The following NFILZ variants were observed in gnomAD, a reference collection of about 807,000 sequenced individuals.
NFILZ encodes NFIL3 like basic leucine zipper, also known as NFIL3 like protein.
intron 3 of NFILZ, among the ~76,000 whole-genome samples, chr19:8,673,729 G>A (rs1271182622): frequency 6.6e-6 from 1 of 152,070 alleles, no homozygotes; most frequent in Non-Finnish European, 1.5e-5. Flanking sequence ...CTGGGCATGG[G>A]CACTGGAGTC....
rs2042994033 is a variant in NFILZ at position 8,656,284 on chromosome 19, C to CCCCACAGCCCACCTCCT, written c.-163-18263_-163-18247dup. On this transcript the variant is annotated intron_variant, in intron 3 of 5. Transcript: ENST00000691075. ...ATCTTCTCTCTGAAGCCCACCTTCT[C>CCCCACAGCCCACCTCCT]CCCACAGCCCACCTCCTCCCGCAGC... 9.8e-5 allele frequency among the ~76,000 whole-genome samples: 5 copies of CCCCACAGCCCACCTCCT among 50,928 alleles called. No homozygotes were observed. In the South Asian group the frequency reaches 2.5e-3, roughly 26 times the overall value. The allele number at this position is 50,928 out of a possible 152,430, so 33.4% of individuals were successfully genotyped here. A position where few individuals can be genotyped will look rare whatever the true frequency, so the allele number is the denominator to read the frequency against.
At chr19:8,639,842 C>G (rs554697704) in intron 3 of NFILZ, among the ~76,000 whole-genome samples, 6 of 152,056 alleles carry the variant, frequency 3.9e-5, no homozygotes, top group Admixed American at 2.0e-4. Context: ...CTCTGGGCGG[C>G]AGCTGAGCCA....
rs574493502 is a variant in NFILZ, at chr19:8,675,926, G to A, written c.-113-433G>A. ...TGGTGGATGGTTGAGATCAGCAAAT[G>A]AATATATGGATGAAAAGATGCCTAG... On this transcript the variant is annotated intron_variant, in intron 4 of 5. Transcript: ENST00000691075. 2.2e-4 allele frequency among the ~76,000 whole-genome samples: 34 copies of A among 152,268 alleles called. No homozygotes were observed. In the South Asian group the frequency reaches 7.0e-3, roughly 32 times the overall value.
intron 3 of NFILZ, among the ~76,000 whole-genome samples, chr19:8,652,969 CTCCTTCCTTCCTTCCT>C (rs1207071930): frequency 1.1e-3 from 128 of 113,954 alleles, no homozygotes; most frequent in Admixed American, 1.5e-3. Flanking sequence ...CCTTCCTTCC[CTCCTTCCTTCCTTCCT>C]TCCTTCCTTC....
intron 3 of NFILZ, among the ~76,000 whole-genome samples, chr19:8,668,727 G>C (rs998931699): frequency 6.6e-6 from 1 of 152,028 alleles, no homozygotes; most frequent in Admixed American, 6.6e-5. Flanking sequence ...CCTTGTCATT[G>C]GGCATCTCTG....
intron 3 of NFILZ, among the ~76,000 whole-genome samples, chr19:8,647,586 C>A (rs553737589): frequency 8.7e-4 from 128 of 147,680 alleles, no homozygotes; most frequent in African/African-American, 2.4e-3. Context: ...ACCCCCCCCC[C>A]CAAAAAAAGG....
intron 3 of NFILZ, among the ~76,000 whole-genome samples, chr19:8,644,825 G>A (rs1555746930): frequency 1.3e-5 from 2 of 151,308 alleles, no homozygotes; most frequent in African/African-American, 4.9e-5. Context: ...GGAGTGCAAT[G>A]GCATGATCTC....
At chr19:8,636,914 G>A (rs1238631892) in intron 3 of NFILZ, among the ~76,000 whole-genome samples, 1 of 152,148 alleles carries the variant, frequency 6.6e-6, no homozygotes, top group African/African-American at 2.4e-5. Flanking sequence ...TTTGTATGGA[G>A]AGACAGGACA....
intron 3 of NFILZ, among the ~76,000 whole-genome samples, chr19:8,663,760 G>GTGTGTTTGTGTGTGTGTGTGCA (rs2043048185): frequency 7.3e-6 from 1 of 136,254 alleles, no homozygotes; most frequent in African/African-American, 2.7e-5. Context: ...GTGTGTGTGT[G>GTGTGTTTGTGTGTGTGTGTGCA]TGTGTGTGTG....
rs2043133459 is a variant in NFILZ at position 8,679,213 on chromosome 19, A to G, written c.*1578A>G. The stretch of plus-strand genomic sequence containing the variant: ...CAGGGAAGGTCTTCCAGGGGCCTGG[A>G]GCCCAAGGACTTATCAAGGCTCCCT... On this transcript the variant is annotated 3_prime_UTR_variant, in exon 6 of 6. Coordinates refer to ENST00000691075, the MANE Select transcript of NFILZ (RefSeq NM_001378600.1). 6.6e-6 allele frequency among the ~76,000 whole-genome samples: 1 copy of G among 152,046 alleles called. No individual in the cohort carries two copies. The highest frequency in any genetic ancestry group is 1.5e-5 in the Non-Finnish European group (1 of 68,016).
intron 3 of NFILZ, among the ~76,000 whole-genome samples, chr19:8,656,281 T>TCTCCCTGAAGCCCACCTC (rs2042993870): frequency 1.9e-5 from 1 of 53,492 alleles, no homozygotes; most frequent in African/African-American, 5.4e-5. Context: ...AAGCCCACCT[T>TCTCCCTGAAGCCCACCTC]CTCCCCACAG....
intron 3 of NFILZ, among the ~76,000 whole-genome samples, chr19:8,655,787 C>T (rs532791902): frequency 5.9e-5 from 9 of 152,210 alleles, no homozygotes; most frequent in East Asian, 1.9e-4. Flanking sequence ...TTCTCTCTGG[C>T]GCTGTCTCTC....
chr19:8,654,678 T>G (rs149568872), intron 3 of NFILZ, among the ~76,000 whole-genome samples: 53 of 152,006 alleles, frequency 3.5e-4, no homozygotes, highest in African/African-American at 1.2e-3. Context: ...GAAAAAGAAA[T>G]AAATATCTGT....
chr19:8,635,167 G>A (rs1322516235), intron 2 of NFILZ, among the ~76,000 whole-genome samples: 1 of 151,508 alleles, frequency 6.6e-6, no homozygotes, highest in Non-Finnish European at 1.5e-5. Flanking sequence ...AAAATTAGCC[G>A]GGCATGGTGG....
At chr19:8,641,677 G>A (rs988452610) in intron 3 of NFILZ, among the ~76,000 whole-genome samples, 7 of 152,266 alleles carry the variant, frequency 4.6e-5, no homozygotes, top group East Asian at 1.9e-4. Flanking sequence ...CTGGATGTGA[G>A]TTCCCTTACC....
intron 3 of NFILZ, among the ~76,000 whole-genome samples, chr19:8,643,792 T>G (rs1179741539): frequency 3.9e-5 from 6 of 152,130 alleles, no homozygotes; most frequent in African/African-American, 1.4e-4. Context: ...TCAGCCTCCA[T>G]AATCAGATGA....
At chr19:8,649,842 T>A (rs2042957263) in intron 3 of NFILZ, among the ~76,000 whole-genome samples, 1 of 151,736 alleles carries the variant, frequency 6.6e-6, no homozygotes, top group Non-Finnish European at 1.5e-5. Flanking sequence ...TGGCCGGGCG[T>A]GGTAGCTCAC....
chr19:8,671,648 G>A (rs971795350), intron 3 of NFILZ, among the ~76,000 whole-genome samples: 1 of 152,078 alleles, frequency 6.6e-6, no homozygotes, highest in Non-Finnish European at 1.5e-5. Flanking sequence ...GCCCAGCTGT[G>A]TTCATCTCGG....
chr19:8,667,737 G>C (rs2043068781), intron 3 of NFILZ, among the ~76,000 whole-genome samples: 1 of 151,772 alleles, frequency 6.6e-6, no homozygotes, highest in Admixed American at 6.6e-5. Context: ...GTACAGACGA[G>C]GTTTCACCAT....
Sources: gnomAD v4.1 joint callset for allele counts (sites outside exome capture counted in the v4.1 genomes callset) on GRCh38, gnomAD v4.1.1 for gene constraint, MANE v1.5 for transcripts, NCBI Gene and HGNC (gene_info 2026-07-23, HGNC 2026-07-21) for gene names.